RBM27: variants seen among roughly 807,000 people sequenced by gnomAD.
RBM27 encodes the protein RNA-binding protein 27.
Under a neutral mutation model 135.3 loss-of-function variants are expected in RBM27, and 22 were observed. That is an observed-to-expected ratio of 0.16 (90% CI 0.12 to 0.23). The LOEUF is 0.23. Among genes scored for constraint, RBM27 ranks in the 10% least tolerant of loss-of-function variants. RBM27 has a pLI of 1.00. For missense variants in RBM27, 1,009 were observed against 1,281.0 expected (o/e 0.79, Z 3.24); for synonymous variants, 481 against 442.4 (o/e 1.09, Z -1.10).
chr5:146,212,282 T>G (rs1037149937), intron 1 of RBM27, among the ~76,000 whole-genome samples: 2 of 152,188 alleles, frequency 1.3e-5, no homozygotes, highest in Middle Eastern at 3.4e-3. Context: ...TCTTGAACTC[T>G]TGACCTTGTG....
At chr5:146,244,444 TA>T (rs1230147269) in intron 8 of RBM27, among the ~76,000 whole-genome samples, 4 of 150,806 alleles carry the variant, frequency 2.7e-5, no homozygotes, top group Non-Finnish European at 5.9e-5. Context: ...TGAAAATAAA[TA>T]ACTAACTGTG....
intron 8 of RBM27, among the ~76,000 whole-genome samples, chr5:146,248,726 A>G (rs1658714358): frequency 6.6e-6 from 1 of 152,208 alleles, no homozygotes; most frequent in Admixed American, 6.5e-5. Flanking sequence ...TTGGCCTCCC[A>G]AAGTGCTGTA....
At chr5:146,270,046 G>T (rs1033767435) in intron 17 of RBM27, among the ~76,000 whole-genome samples, 1 of 152,096 alleles carries the variant, frequency 6.6e-6, no homozygotes, top group African/African-American at 2.4e-5. Context: ...CATTTCAGCA[G>T]TGTTTTTCTA....
intron 7 of RBM27, among the ~76,000 whole-genome samples, chr5:146,236,932 T>G: frequency 3.5e-5 from 1 of 28,754 alleles, no homozygotes; most frequent in East Asian, 2.2e-3. Context: ...TGATGGTCCT[T>G]TTTTTTTTTT....
In RBM27 at chr5:146,284,637, C is replaced by A; in HGVS notation, c.3004C>A (p.Pro1002Thr). The change falls in exon 20 of 21, where the codon CCA (proline) becomes ACA (threonine). Residue 1002 changes from proline (P) to threonine (T), a missense_variant. Physicochemically the swap from Pro to Thr is conservative, Grantham distance 38 (BLOSUM62 -1). Around this residue, in one of 6 missense-constraint regions of RBM27, gnomAD observed 355 missense variants for 427.3 expected, o/e 0.83. Coordinates refer to ENST00000265271, the MANE Select transcript of RBM27 (RefSeq NM_018989.2). ...LQHFSTANQG[P>T]KFKDRRLQIS... is the part of the protein sequence containing the mutation. ...TATATTTTAGACCGCAAACCAAGGG[C>A]CAAAATTTAAAGACCGTCGGCTACA... is the stretch of plus-strand genomic sequence containing the variant. 6.2e-7 allele frequency: 1 copy of A among 1,612,202 alleles called. No individual in the cohort carries two copies. The highest frequency in any genetic ancestry group is 8.5e-7 in the Non-Finnish European group (1 of 1,178,946).
chr5:146,277,573 A>G (rs1581241915), intron 19 of RBM27, among the ~76,000 whole-genome samples: 1 of 133,508 alleles, frequency 7.5e-6, no homozygotes, highest in Non-Finnish European at 1.5e-5. Context: ...CCCAGGCTGG[A>G]GTGCAGTGGC....
At chr5:146,224,382 CAAAT>C (rs547850506) in intron 3 of RBM27, among the ~76,000 whole-genome samples, 118 of 152,032 alleles carry the variant, frequency 7.8e-4, no homozygotes, top group African/African-American at 2.6e-3. Context: ...TAATTTTAAA[CAAAT>C]AAAAATTACA....
At chr5:146,263,345 T>TA (rs1399343157) in intron 13 of RBM27, 146 bp from the exon 14 acceptor site, 6 of 741,780 alleles carry the variant, frequency 8.1e-6, no homozygotes, top group Non-Finnish European at 1.3e-5. Context: ...CAGTTCCCCT[T>TA]AAAAAATAAA....
Position 146,269,772 on chromosome 5 carries a change from A to T in RBM27, c.2691+188A>T, listed in dbSNP as rs184558114. On this transcript the variant is annotated intron_variant, in intron 17 of 20. Coordinates refer to ENST00000265271, the MANE Select transcript of RBM27 (RefSeq NM_018989.2). Reference sequence around the variant, plus strand: ...TTTTTTTTTTTTTTTTTTTTAAGAGACAAGGTCTCACTATATTGCCCAGGT... The same window carrying T: ...TTTTTTTTTTTTTTTTTTTTAAGAGTCAAGGTCTCACTATATTGCCCAGGT... 3.5e-3 allele frequency among the ~76,000 whole-genome samples: 501 copies of T among 142,548 alleles called. 1 individual carries two copies. The highest frequency in any genetic ancestry group is 0.013 in the African/African-American group (483 of 37,846). The allele number at this position is 142,548 out of a possible 152,430, so 93.5% of individuals were successfully genotyped here. A position where few individuals can be genotyped will look rare whatever the true frequency, so the allele number is the denominator to read the frequency against.
chr5:146,272,541 G>C (rs896529715), intron 19 of RBM27, among the ~76,000 whole-genome samples: 3 of 152,060 alleles, frequency 2.0e-5, no homozygotes, highest in African/African-American at 7.2e-5. Context: ...GGCCAACATG[G>C]TGAAACCCCA....
At chr5:146,281,064 T>A (rs1176891480) in intron 19 of RBM27, among the ~76,000 whole-genome samples, 1 of 152,146 alleles carries the variant, frequency 6.6e-6, no homozygotes. Flanking sequence ...TTTCACCATG[T>A]TGGCCAGGTT....
intron 15 of RBM27, among the ~76,000 whole-genome samples, chr5:146,268,144 T>C (rs1018940287): frequency 1.8e-4 from 27 of 152,156 alleles, no homozygotes; most frequent in Non-Finnish European, 3.5e-4. Flanking sequence ...TAAATAGATA[T>C]TTATATGTAC....
chr5:146,224,728 A>G (rs1040400387), intron 3 of RBM27, among the ~76,000 whole-genome samples: 8 of 151,928 alleles, frequency 5.3e-5, no homozygotes, highest in Non-Finnish European at 8.8e-5. Flanking sequence ...AAACACCCAT[A>G]TGACGTCTAT....
At chr5:146,211,494 T>TTTTTTC (rs1755951478) in intron 1 of RBM27, among the ~76,000 whole-genome samples, 1 of 108,516 alleles carries the variant, frequency 9.2e-6, no homozygotes, top group African/African-American at 3.6e-5. Context: ...TTTTTTTTTT[T>TTTTTTC]ACTTTGAGAG....
chr5:146,281,123 G>A (rs1581247620), intron 19 of RBM27, among the ~76,000 whole-genome samples: 1 of 152,106 alleles, frequency 6.6e-6, no homozygotes, highest in South Asian at 2.1e-4. Context: ...GATGACAGGC[G>A]TGAGCCCCTG....
chr5:146,231,177 G>A (rs1444535377), intron 6 of RBM27, among the ~76,000 whole-genome samples: 1 of 151,772 alleles, frequency 6.6e-6, no homozygotes, highest in Non-Finnish European at 1.5e-5. Context: ...ACCAACTCAT[G>A]GGGAATGTTG....
chr5:146,235,410 G>A (rs2126767798), intron 7 of RBM27, among the ~76,000 whole-genome samples: 1 of 152,048 alleles, frequency 6.6e-6, no homozygotes, highest in South Asian at 2.1e-4. Context: ...ACAAAAATTA[G>A]CCAGGCATGT....
intron 14 of RBM27, among the ~76,000 whole-genome samples, chr5:146,266,536 A>G (rs1758626340): frequency 6.6e-6 from 1 of 152,244 alleles, no homozygotes; most frequent in Non-Finnish European, 1.5e-5. Context: ...TGTTGTGGTG[A>G]TTGAGAGAAG....
At chr5:146,246,422 G>C (rs1411509664) in intron 8 of RBM27, among the ~76,000 whole-genome samples, 3 of 152,192 alleles carry the variant, frequency 2.0e-5, no homozygotes, top group Admixed American at 2.0e-4. Flanking sequence ...TGGGATGTTT[G>C]CAGTTTGGAA....
Sources: allele counts gnomAD v4.1 joint callset (sites outside exome capture counted in the v4.1 genomes callset), GRCh38; gene constraint gnomAD v4.1.1; regional missense constraint gnomAD v4.1.1; transcripts MANE v1.5; gene names NCBI Gene and HGNC (gene_info 2026-07-23, HGNC 2026-07-21).